CENPI: variants seen among roughly 807,000 people sequenced by gnomAD.
CENPI encodes the protein centromere protein I, also known as FSH primary response 1.
In CENPI, 4 loss-of-function variants were observed where a neutral mutation model predicts 60.4. The observed-to-expected ratio is 0.07, with a 90% CI of 0.03 to 0.15. The LOEUF (loss-of-function observed/expected upper bound fraction) is 0.15. Among genes scored for constraint, CENPI ranks in the 10% least tolerant of loss-of-function variants. The probability of loss-of-function intolerance (pLI) is 1.00; values close to 1 mark genes in which losing one functional copy is unlikely to be tolerated. For synonymous variants in CENPI, 157 were observed against 189.4 expected (o/e 0.83, Z 1.40); for missense variants, 444 against 534.5 (o/e 0.83, Z 1.67).
At chrX:101,108,439 A>G (rs1368682728) in intron 4 of CENPI, among the ~76,000 whole-genome samples, 1 of 107,795 alleles carries the variant, frequency 9.3e-6, no homozygotes. Flanking sequence ...CAAGTGATCC[A>G]TCTGCTTCAG....
chrX:101,161,312 T>C (rs1398753255), intron 20 of CENPI, among the ~76,000 whole-genome samples: 2 of 112,287 alleles, frequency 1.8e-5, no homozygotes, highest in African/African-American at 6.5e-5. Context: ...TTAAGAGTTT[T>C]CACTTAGCAA....
At chrX:101,171,690 G>A in the CENPI span, among the ~76,000 whole-genome samples, 2 of 112,089 alleles carry the variant, frequency 1.8e-5, no homozygotes, top group Non-Finnish European at 3.8e-5. Context: ...GCTTCTCAAA[G>A]TGCTGGCATT....
At position 101,130,065 on chromosome X, in the gene CENPI, T is replaced by C; in HGVS notation, c.1279T>C (p.Phe427Leu). ...GGATACCATCATCAGGGCAGAGTGC[T>C]TCTTACAAGTAAGATTTCACTTGCT... ...FLDTIIRAECFLQEGFYSCEA... is the reference protein window; with the variant it reads ...FLDTIIRAECLLQEGFYSCEA... Residue 427 changes from phenylalanine to leucine, a missense_variant, in exon 13 of 22, where the codon TTC becomes CTC. Coordinates refer to ENST00000682095, the MANE Select transcript of CENPI (RefSeq NM_001386188.2). 1 of 1,173,331 alleles carries C rather than the reference T, an allele frequency of 8.5e-7. No individual in the cohort carries two copies. Among genetic ancestry groups the C allele is most frequent in the Non-Finnish European group, 1.2e-6 (1 of 861,273 alleles).
the CENPI span, among the ~76,000 whole-genome samples, chrX:101,172,189 G>A: frequency 1.8e-5 from 2 of 111,820 alleles, no homozygotes; most frequent in African/African-American, 6.5e-5. Context: ...AATTGAAATA[G>A]TCATGTATTG....
At chrX:101,120,264 C>G in intron 6 of CENPI, 138 bp from the exon 7 acceptor site, 2 of 347,348 alleles carry the variant, frequency 5.8e-6, no homozygotes, top group Non-Finnish European at 1.0e-5. Context: ...AAAAGAGACT[C>G]TTTGTAAAAC....
At chrX:101,130,098 C>G in intron 13 of CENPI, 25 bp downstream of exon 13, 1 of 981,886 alleles carries the variant, frequency 1.0e-6, no homozygotes. Flanking sequence ...GCTTCTTCCA[C>G]TCTCCACCAC....
At chrX:101,173,949 T>C in the CENPI span, among the ~76,000 whole-genome samples, 1 of 111,670 alleles carries the variant, frequency 9.0e-6, no homozygotes, top group African/African-American at 3.3e-5. Flanking sequence ...GAACAGATGC[T>C]TCTCAAAAGA....
chrX:101,179,369 T>C, the CENPI span, among the ~76,000 whole-genome samples: 1 of 112,946 alleles, frequency 8.9e-6, no homozygotes, highest in Admixed American at 9.4e-5. Flanking sequence ...TTTTTATGGC[T>C]GAATAATATT....
intron 8 of CENPI, among the ~76,000 whole-genome samples, chrX:101,121,234 A>T (rs73553157): frequency 0.037 from 4,091 of 111,121 alleles, 227 homozygotes; most frequent in African/African-American, 0.13. Flanking sequence ...CAAAATGAAA[A>T]ATCAGAATCA....
At chrX:101,149,903 A>G (rs1273233926) in intron 20 of CENPI, among the ~76,000 whole-genome samples, 1 of 110,867 alleles carries the variant, frequency 9.0e-6, no homozygotes, top group Admixed American at 9.8e-5. Context: ...CCTTTTAAAT[A>G]GTTCTGATAT....
the CENPI span, among the ~76,000 whole-genome samples, chrX:101,177,299 G>A: frequency 8.9e-6 from 1 of 111,881 alleles, no homozygotes; most frequent in Non-Finnish European, 1.9e-5. Flanking sequence ...TAGTCCTGAG[G>A]CCTGCAAGTG....
chrX:101,109,631 C>G (rs2089530490), intron 5 of CENPI, 40 bp downstream of exon 5: 1 of 1,002,901 alleles, frequency 1.0e-6, no homozygotes, highest in Non-Finnish European at 1.4e-6. Context: ...TCCTTCAGAA[C>G]CACTTAAGGG....
chrX:101,102,470 T>C lies in CENPI; in HGVS notation c.364+59T>C, dbSNP rs751826366. 8.2e-6 allele frequency: 6 copies of C among 729,290 alleles called. No homozygotes were observed. The Admixed American group carries it at 1.1e-4, about 13-fold the overall frequency. The allele number at this position is 729,290 out of a possible 1,213,427, so 60.1% of individuals were successfully genotyped here. A position where few individuals can be genotyped will look rare whatever the true frequency, so the allele number is the denominator to read the frequency against. ...CTCACCTAGCACCTATATTTTTTTC[T>C]TTTAAAAATAAATCTTATATATATA... is the stretch of plus-strand genomic sequence containing the variant. On this transcript the variant is annotated intron_variant, in intron 4 of 21. Coordinates refer to ENST00000682095, the MANE Select transcript of CENPI (RefSeq NM_001386188.2).
chrX:101,119,699 T>G (rs183392692), intron 6 of CENPI, among the ~76,000 whole-genome samples: 54 of 112,188 alleles, frequency 4.8e-4, no homozygotes, highest in African/African-American at 1.7e-3. Context: ...GCAAATTGAG[T>G]GCATACTGTT....
At position 101,101,052 on chromosome X, in the gene CENPI, G is replaced by A; in HGVS notation, c.-13-6G>A. 3 of 1,148,980 alleles carry A rather than the reference G, an allele frequency of 2.6e-6. No individual in the cohort carries two copies. Among genetic ancestry groups the A allele is most frequent in the Non-Finnish European group, 3.6e-6 (3 of 839,044 alleles). The allele number at this position is 1,148,980 out of a possible 1,213,427, so 94.7% of individuals were successfully genotyped here. Reference sequence around the variant, plus strand: ...TAATGATAACTTAACACTTGTTTCTGTGTAGAACATATGCAGTAATGTCAC... The same window carrying A: ...TAATGATAACTTAACACTTGTTTCTATGTAGAACATATGCAGTAATGTCAC... On this transcript the variant is annotated splice_polypyrimidine_tract_variant and splice_region_variant and intron_variant, in intron 2 of 21. Coordinates refer to ENST00000682095, the MANE Select transcript of CENPI (RefSeq NM_001386188.2).
At chrX:101,119,081 G>A (rs1347438103) in intron 6 of CENPI, among the ~76,000 whole-genome samples, 1 of 111,429 alleles carries the variant, frequency 9.0e-6, no homozygotes, top group Non-Finnish European at 1.9e-5. Flanking sequence ...TTGGGAGGCT[G>A]AGGTAGGAGA....
At chrX:101,134,093 A>G (rs1291365052) in intron 15 of CENPI, among the ~76,000 whole-genome samples, 1 of 111,703 alleles carries the variant, frequency 9.0e-6, no homozygotes, top group Admixed American at 9.6e-5. Flanking sequence ...GTGTTTATAG[A>G]TGGAGTCGAA....
Position 101,109,461 on chromosome X carries a change from T to C in CENPI, c.365-12T>C, listed in dbSNP as rs754420975. ...CTAAAATGTAGTTTAATTTAGCTTGTCTCCTTTCCAGGAAATGCTGTAAAC... is the reference window on the plus strand; with the variant it reads ...CTAAAATGTAGTTTAATTTAGCTTGCCTCCTTTCCAGGAAATGCTGTAAAC... On this transcript the variant is annotated splice_polypyrimidine_tract_variant and intron_variant, in intron 4 of 21. Coordinates refer to ENST00000682095, the MANE Select transcript of CENPI (RefSeq NM_001386188.2). 40 of 1,129,848 alleles carry C rather than the reference T, an allele frequency of 3.5e-5. No homozygotes were observed. The highest frequency in any genetic ancestry group is 4.7e-5 in the Non-Finnish European group (39 of 822,554). 93.1% of individuals were successfully genotyped at this position (1,129,848 alleles called of 1,213,427 possible). A position where few individuals can be genotyped will look rare whatever the true frequency, so the allele number is the denominator to read the frequency against.
chrX:101,109,924 G>T lies in CENPI; in HGVS notation c.517G>T (p.Asp173Tyr). ...TTATCGTTGGCTGGTTGCAATGTTT[G>T]ACTTCATTGATCGTAAGGAGCAAAT... ...LFYRWLVAMF[D>Y]FIDRKEQINL... The change falls in exon 6 of 22, where the codon GAC becomes TAC. Residue 173 changes from aspartate (D) to tyrosine (Y), a missense_variant. Coordinates refer to ENST00000682095, the MANE Select transcript of CENPI (RefSeq NM_001386188.2). 1 of 1,206,633 alleles carries T rather than the reference G, an allele frequency of 8.3e-7. No homozygotes were observed. Among genetic ancestry groups the T allele is most frequent in the South Asian group, 1.8e-5 (1 of 56,700 alleles).
Sources: gnomAD v4.1 joint callset for allele counts (sites outside exome capture counted in the v4.1 genomes callset) on GRCh38, gnomAD v4.1.1 for gene constraint, MANE v1.5 for transcripts, NCBI Gene and HGNC (gene_info 2026-07-23, HGNC 2026-07-21) for gene names.